MDGA2: variants seen among roughly 807,000 people sequenced by gnomAD.
MDGA2 encodes MAM domain-containing glycosylphosphatidylinositol anchor protein 2.
A neutral mutation model predicts 117.8 loss-of-function variants in MDGA2; 40 were observed. The observed-to-expected ratio is 0.34, with a 90% CI of 0.26 to 0.44. The LOEUF (loss-of-function observed/expected upper bound fraction) is 0.44, where lower values mean the gene tolerates loss of function less well. Among genes scored for constraint, MDGA2 ranks in the 20% least tolerant of loss-of-function variants. The probability of loss-of-function intolerance (pLI) is 1.00; values close to 1 mark genes in which losing one functional copy is unlikely to be tolerated. For synonymous variants in MDGA2, 452 were observed against 439.0 expected, an observed-to-expected ratio of 1.03 and a Z score of -0.37; for missense variants, 1,123 against 1,250.6, an observed-to-expected ratio of 0.90 and a Z score of 1.54.
At chr14:46,867,426 A>T (rs1881817647) in intron 14 of MDGA2, among the ~76,000 whole-genome samples, 4 of 152,076 alleles carry the variant, frequency 2.6e-5, no homozygotes, top group Admixed American at 2.6e-4. Flanking sequence ...TAGCACTGGG[A>T]GATATACCTA....
intron 8 of MDGA2, among the ~76,000 whole-genome samples, chr14:47,013,370 T>C (rs1887962674): frequency 6.6e-6 from 1 of 152,154 alleles, no homozygotes; most frequent in Non-Finnish European, 1.5e-5. Context: ...CCACTGAAGT[T>C]CTTTCGTGAG....
In MDGA2 at chr14:47,174,324, C is replaced by G. The variant is rs908416209; in HGVS notation, c.596-30050G>C. On this transcript the variant is annotated intron_variant, in intron 3 of 16. Coordinates refer to ENST00000399232, the MANE Select transcript of MDGA2 (RefSeq NM_001113498.3). ...TAATAGACATCTGCAGAACTCTCCA[C>G]CCCAAATCAACAGAATATACATTTT... Among the ~76,000 whole-genome samples the G allele has an allele frequency of 6.4e-4, 98 of 152,136 alleles. 2 individuals are homozygous for G. Among genetic ancestry groups the G allele is most frequent in the Non-Finnish European group, 1.8e-4 (12 of 68,028 alleles).
chr14:47,384,810 C>A (rs954922439), intron 1 of MDGA2, among the ~76,000 whole-genome samples: 1 of 152,102 alleles, frequency 6.6e-6, no homozygotes, highest in Non-Finnish European at 1.5e-5. Flanking sequence ...GGGTGTTAAG[C>A]CCAGTAGGGT....
chr14:47,605,796 T>C (rs1172436313), intron 1 of MDGA2, among the ~76,000 whole-genome samples: 1 of 152,200 alleles, frequency 6.6e-6, no homozygotes, highest in Non-Finnish European at 1.5e-5. Flanking sequence ...TATTGCCATT[T>C]GATCATACGG....
intron 3 of MDGA2, among the ~76,000 whole-genome samples, chr14:47,214,751 A>G (rs1300029483): frequency 2.0e-5 from 3 of 152,114 alleles, no homozygotes; most frequent in African/African-American, 7.2e-5. Flanking sequence ...ACATAATTTT[A>G]TTTTAGGAAG....
intron 1 of MDGA2, among the ~76,000 whole-genome samples, chr14:47,400,497 T>C (rs964499546): frequency 4.6e-5 from 7 of 151,934 alleles, no homozygotes; most frequent in African/African-American, 1.7e-4. Context: ...AAATATACTT[T>C]GTAGGATTTA....
At chr14:47,126,272 GAAACAACCA>G (rs1385387846) in intron 5 of MDGA2, among the ~76,000 whole-genome samples, 1 of 151,956 alleles carries the variant, frequency 6.6e-6, no homozygotes, top group Non-Finnish European at 1.5e-5. Context: ...TATGAGTAGG[GAAACAACCA>G]AAACAACTTC....
At chr14:47,129,040 T>C (rs1419250230) in intron 5 of MDGA2, among the ~76,000 whole-genome samples, 5 of 152,110 alleles carry the variant, frequency 3.3e-5, no homozygotes. Flanking sequence ...TCTCTCATTG[T>C]TCTTGTATTT....
At chr14:47,079,295 C>T (rs1476979544) in intron 6 of MDGA2, among the ~76,000 whole-genome samples, 1 of 152,142 alleles carries the variant, frequency 6.6e-6, no homozygotes. Flanking sequence ...AACAATGGAG[C>T]CATACATTTA....
At chr14:46,920,804 A>T (rs148119916) in intron 9 of MDGA2, among the ~76,000 whole-genome samples, 15 of 152,340 alleles carry the variant, frequency 9.8e-5, no homozygotes, top group African/African-American at 3.6e-4. Context: ...TCCACTGTGT[A>T]GAAAACAATT....
At chr14:47,361,617 A>G (rs1891127543) in intron 1 of MDGA2, among the ~76,000 whole-genome samples, 2 of 152,090 alleles carry the variant, frequency 1.3e-5, no homozygotes, top group South Asian at 2.1e-4. Flanking sequence ...GATTTAAAGC[A>G]TGATTATTAT....
At chr14:47,535,298 C>T (rs775283975) in intron 1 of MDGA2, among the ~76,000 whole-genome samples, 22 of 152,162 alleles carry the variant, frequency 1.4e-4, no homozygotes, top group African/African-American at 5.3e-4. Flanking sequence ...CTGGAAGAAG[C>T]CATTTTGTTT....
Position 46,872,952 on chromosome 14 carries a change from T to G in MDGA2, c.2752+481A>C, listed in dbSNP as rs368661311. On this transcript the variant is annotated intron_variant, in intron 14 of 16. Transcript: ENST00000399232. ...GTATGCTGTGCAGGACCTAGAATGT[T>G]CTTAAATCTTACTGGGTGTGTTTGG... 1.2e-3 allele frequency among the ~76,000 whole-genome samples: 177 copies of G among 151,714 alleles called. 2 individuals are homozygous for G. Among genetic ancestry groups the G allele is most frequent in the African/African-American group, 4.1e-3 (170 of 41,434 alleles).
chr14:46,871,767 T>C (rs368641187), intron 14 of MDGA2: 1 of 166,936 alleles, frequency 6.0e-6, no homozygotes. Context: ...TTTTAAGTGA[T>C]TTCTCTGAAG....
intron 8 of MDGA2, among the ~76,000 whole-genome samples, chr14:47,023,198 T>TAAAAAAAAAAAAAAA (rs71985853): frequency 1.9e-5 from 2 of 102,846 alleles, no homozygotes; most frequent in South Asian, 2.9e-4. Flanking sequence ...TTCCCACTCG[T>TAAAAAAAAAAAAAAA]AAAAAAAAAA....
chr14:47,308,239 C>T (rs10134067), intron 1 of MDGA2, among the ~76,000 whole-genome samples: 145,460 of 152,232 alleles, frequency 0.96, 69,519 homozygotes, highest in East Asian at 1. Context: ...ATAGTAAAAC[C>T]GCTATTTAGG....
intron 3 of MDGA2, among the ~76,000 whole-genome samples, chr14:47,190,748 G>A (rs1385643811): frequency 1.3e-5 from 2 of 151,984 alleles, no homozygotes; most frequent in East Asian, 1.9e-4. Flanking sequence ...TCCAGGAGGG[G>A]AAAAAAGAGA....
At chr14:46,846,005 A>G (rs1438915549) in intron 15 of MDGA2, 134 bp from the exon 16 acceptor site, 2 of 657,724 alleles carry the variant, frequency 3.0e-6, no homozygotes, top group Non-Finnish European at 5.4e-6. Context: ...TTTCAAAATT[A>G]AAACTTGCAG....
At chr14:47,012,656 A>G (rs1454688073) in intron 8 of MDGA2, among the ~76,000 whole-genome samples, 1 of 152,136 alleles carries the variant, frequency 6.6e-6, no homozygotes, top group Non-Finnish European at 1.5e-5. Context: ...TACTGTTTTC[A>G]TTGTTACTGA....
Sources: allele counts gnomAD v4.1 joint callset (sites outside exome capture counted in the v4.1 genomes callset), GRCh38; gene constraint gnomAD v4.1.1; transcripts MANE v1.5; gene names NCBI Gene and HGNC (gene_info 2026-07-23, HGNC 2026-07-21).